The following SETX variants were observed in gnomAD, a reference collection of about 807,000 sequenced individuals.
SETX encodes senataxin, also known as helicase senataxin.
In SETX, 90 loss-of-function variants were observed where a neutral mutation model predicts 227.2. The ratio of observed to expected loss-of-function variants is 0.40; its 90% confidence interval spans 0.33 to 0.47. The LOEUF (loss-of-function observed/expected upper bound fraction) is 0.47, where lower values mean the gene tolerates loss of function less well. Among genes scored for constraint, SETX ranks in the 20% least tolerant of loss-of-function variants. The probability of loss-of-function intolerance (pLI) is 0.91; values close to 1 mark genes in which losing one functional copy is unlikely to be tolerated. For missense variants in SETX, 3,052 were observed against 3,181.5 expected, an observed-to-expected ratio of 0.96 and a Z score of 0.98; for synonymous variants, 1,210 against 1,113.2, an observed-to-expected ratio of 1.09 and a Z score of -1.73.
rs1407066411 is a variant in SETX at position 132,262,291 on chromosome 9, C to CGTGA, written c.*1944_*1947dup. ...GTGTTAATAGTATTAACATGAGCAG[C>CGTGA]GTGAGAGACATCCTGACCCCAACGT... On this transcript the variant is annotated 3_prime_UTR_variant, in exon 26 of 26. Coordinates refer to ENST00000224140, the MANE Select transcript of SETX (RefSeq NM_015046.7). 3 of 152,148 alleles carry CGTGA rather than the reference C, an allele frequency of 2.0e-5. No homozygotes were observed. The highest frequency in any genetic ancestry group is 4.4e-5 in the Non-Finnish European group (3 of 68,032). The allele number at this position is 152,148 out of a possible 1,614,324, so 9.4% of individuals were successfully genotyped here.
rs1431431349 is a variant in SETX, at chr9:132,329,578, T to C, written c.2020A>G (p.Ile674Val). 1 of 1,613,716 alleles carries C rather than the reference T, an allele frequency of 6.2e-7. No individual in the cohort carries two copies. The highest frequency in any genetic ancestry group is 1.1e-5 in the South Asian group (1 of 91,082). The change falls in exon 10 of 26, where the codon ATA (isoleucine) becomes GTA (valine). Residue 674 changes from isoleucine (I) to valine (V), a missense_variant. This residue lies in a region of SETX where 1,483 missense variants were observed against 1,312.0 expected (regional missense o/e 1.13). Coordinates refer to ENST00000224140, the MANE Select transcript of SETX (RefSeq NM_015046.7). Reference protein sequence around the residue: ...IEGDNNEQNYIKDVKLEDHLL... With the variant: ...IEGDNNEQNYVKDVKLEDHLL... ...TGGTCCTCTAGTTTCACATCCTTTATATAATTTTGCTCATTATTGTCACCT... is the reference window on the plus strand; with the variant it reads ...TGGTCCTCTAGTTTCACATCCTTTACATAATTTTGCTCATTATTGTCACCT...
At chr9:132,274,077 A>T (rs1489453553) in intron 23 of SETX, among the ~76,000 whole-genome samples, 1 of 151,482 alleles carries the variant, frequency 6.6e-6, no homozygotes, top group Non-Finnish European at 1.5e-5. Context: ...ATGGTATATC[A>T]TATTGATTTT....
chr9:132,331,550 C>A (rs1234455341), intron 7 of SETX, 102 bp from the exon 8 acceptor site: 3 of 1,256,636 alleles, frequency 2.4e-6, no homozygotes, highest in Non-Finnish European at 3.4e-6. Flanking sequence ...AGTAGCAACC[C>A]AACTAAAAGC....
At chr9:132,348,105 TC>T (rs1254436254) in intron 3 of SETX, among the ~76,000 whole-genome samples, 1 of 149,888 alleles carries the variant, frequency 6.7e-6, no homozygotes, top group East Asian at 1.9e-4. Flanking sequence ...ACAGCTGTAA[TC>T]CCAGCACTTT....
chr9:132,330,597 T>C, intron 9 of SETX, 98 bp from the exon 10 acceptor site: 2 of 1,035,226 alleles, frequency 1.9e-6, no homozygotes, highest in South Asian at 2.7e-5. Flanking sequence ...TCAACTCTCT[T>C]ATTTTGGTTT....
intron 11 of SETX, among the ~76,000 whole-genome samples, chr9:132,306,693 G>A (rs1845354275): frequency 6.6e-6 from 1 of 152,104 alleles, no homozygotes; most frequent in African/African-American, 2.4e-5. Flanking sequence ...GTATACTCTA[G>A]TTCTATCAGT....
intron 10 of SETX, among the ~76,000 whole-genome samples, chr9:132,325,249 G>A (rs1345231964): frequency 1.3e-5 from 2 of 152,102 alleles, no homozygotes; most frequent in African/African-American, 2.4e-5. Context: ...TCAGCTACTC[G>A]GGAGGCTGAG....
rs1377404349 is a variant in SETX, at chr9:132,328,078, C to G, written c.3520G>C (p.Val1174Leu). Reference protein sequence around the residue: ...RSEKPMAEDPVRPSSSVRNEG... With the variant: ...RSEKPMAEDPLRPSSSVRNEG... ...TTTCTGACAGAAGATGAAGGCCTCA[C>G]AGGATCTTCAGCCATTGGTTTTTCA... The change falls in exon 10 of 26, where the codon GTG (valine) becomes CTG (leucine). Residue 1174 changes from valine to leucine, a missense_variant. Coordinates refer to ENST00000224140, the MANE Select transcript of SETX (RefSeq NM_015046.7). 6.2e-7 allele frequency: 1 copy of G among 1,614,130 alleles called. No homozygotes were observed. The highest frequency in any genetic ancestry group is 1.1e-5 in the South Asian group (1 of 91,078).
At chr9:132,279,746 A>G (rs1333624393) in intron 20 of SETX, among the ~76,000 whole-genome samples, 3 of 152,234 alleles carry the variant, frequency 2.0e-5, no homozygotes, top group African/African-American at 7.2e-5. Flanking sequence ...GGGAAACAGA[A>G]AAGGAAGTTA....
At chr9:132,325,511 C>T (rs1195918825) in intron 10 of SETX, among the ~76,000 whole-genome samples, 1 of 152,298 alleles carries the variant, frequency 6.6e-6, no homozygotes, top group East Asian at 1.9e-4. Flanking sequence ...AAAACAAATG[C>T]ACATGGGAAA....
At chr9:132,277,026 A>T in intron 22 of SETX, 34 bp downstream of exon 22, 1 of 1,517,904 alleles carries the variant, frequency 6.6e-7, no homozygotes, top group Non-Finnish European at 9.2e-7. Context: ...CAATTCTGGG[A>T]CTATCAGAGG....
In SETX at chr9:132,261,558, C is replaced by A. The variant is rs1449284274; in HGVS notation, c.*2681G>T. The A allele has an allele frequency of 6.6e-6, 1 of 152,608 alleles. No individual in the cohort carries two copies. Among genetic ancestry groups the A allele is most frequent in the African/African-American group, 2.4e-5 (1 of 41,442 alleles). The allele number at this position is 152,608 out of a possible 1,614,324, so 9.5% of individuals were successfully genotyped here. A position where few individuals can be genotyped will look rare whatever the true frequency, so the allele number is the denominator to read the frequency against. ...AAAATTTAGGGTTTAACAAAGACAA[C>A]AGGGCTGTTTGCCAAATCGCAGCTA... is the stretch of plus-strand genomic sequence containing the variant. On this transcript the variant is annotated 3_prime_UTR_variant, in exon 26 of 26. Transcript: ENST00000224140.
chr9:132,282,886 T>C (rs1304064188), intron 19 of SETX: 1 of 321,532 alleles, frequency 3.1e-6, no homozygotes, highest in African/African-American at 2.2e-5. Flanking sequence ...CCAATAAATG[T>C]TTGCTCAAAG....
In SETX at chr9:132,283,371, C is replaced by G. The variant is rs1387036733; in HGVS notation, c.6439G>C (p.Glu2147Gln). The G allele has an allele frequency of 5.6e-6, 9 of 1,614,182 alleles. No homozygotes were observed. The highest frequency in any genetic ancestry group is 7.6e-6 in the Non-Finnish European group (9 of 1,180,036). Residue 2147 changes from glutamate (E) to glutamine (Q), a missense_variant, in exon 19 of 26, where the codon GAG becomes CAG. By Grantham distance (29) the Glu-to-Gln change is conservative. Around this residue, in one of 10 missense-constraint regions of SETX, gnomAD observed 412 missense variants for 589.0 expected, o/e 0.70. Coordinates refer to ENST00000224140, the MANE Select transcript of SETX (RefSeq NM_015046.7). ...AACGTGCAGCAGATGATATGGGACTCTAAGATGATGATACTCTGTGTTTTC... is the reference window on the plus strand; with the variant it reads ...AACGTGCAGCAGATGATATGGGACTGTAAGATGATGATACTCTGTGTTTTC... ...PQKTQSIIIL[E>Q]SHIICCTLST...
rs373607369 is a variant in SETX, at chr9:132,298,257, C to A, written c.5604G>T (p.Pro1868=). ...YLSIQTQENF[P]ANLNELVNCI... ...AATTCACAAGTTCGTTTAAATTGGCCGGAAAGTTCTCTTGAGTCTGGATGG... is the reference window on the plus strand; with the variant it reads ...AATTCACAAGTTCGTTTAAATTGGCAGGAAAGTTCTCTTGAGTCTGGATGG... Residue 1868 remains proline, a synonymous_variant, in exon 13 of 26, where the codon CCG becomes CCT. Transcript: ENST00000224140. 2.5e-6 allele frequency: 4 copies of A among 1,614,006 alleles called. No homozygotes were observed. The highest frequency in any genetic ancestry group is 3.4e-6 in the Non-Finnish European group (4 of 1,179,976).
intron 12 of SETX, among the ~76,000 whole-genome samples, chr9:132,300,105 G>T (rs557989493): frequency 3.6e-4 from 46 of 129,504 alleles, no homozygotes; most frequent in Non-Finnish European, 5.9e-4. Context: ...ACTCTAGCCT[G>T]GACAACAAGA....
At chr9:132,340,937 G>GT (rs1847921725) in intron 5 of SETX, among the ~76,000 whole-genome samples, 1 of 152,158 alleles carries the variant, frequency 6.6e-6, no homozygotes, top group African/African-American at 2.4e-5. Context: ...GCTCTGAGAG[G>GT]TAATTCCATA....
chr9:132,330,376 A>AT lies in SETX; in HGVS notation c.1221dup (p.Phe408IlefsTer15). ...TGGACAAAAGGGATGAACCATAGAAATGTGCTGTTATGAACACGCATGTCT... is the reference window on the plus strand; with the variant it reads ...TGGACAAAAGGGATGAACCATAGAAATTGTGCTGTTATGAACACGCATGTCT... On this transcript the variant is annotated frameshift_variant, in exon 10 of 26. Coordinates refer to ENST00000224140, the MANE Select transcript of SETX (RefSeq NM_015046.7). LOFTEE classifies it high-confidence loss of function. 1 of 1,614,178 alleles carries AT rather than the reference A, an allele frequency of 6.2e-7. No homozygotes were observed.
intron 15 of SETX, among the ~76,000 whole-genome samples, chr9:132,290,611 AC>A: frequency 6.7e-6 from 1 of 148,936 alleles, no homozygotes; most frequent in African/African-American, 2.5e-5. Flanking sequence ...ATTCACCACT[AC>A]AGCCAGGTGC....
Sources: allele counts gnomAD v4.1 joint callset (sites outside exome capture counted in the v4.1 genomes callset), GRCh38; gene constraint gnomAD v4.1.1; regional missense constraint gnomAD v4.1.1; transcripts MANE v1.5; gene names NCBI Gene and HGNC (gene_info 2026-07-23, HGNC 2026-07-21).